Variants in OR2L13 observed in about 807,000 individuals in gnomAD.
OR2L13 encodes the protein olfactory receptor family 2 subfamily L member 13, also known as olfactory receptor 2L13.
In OR2L13, 14 loss-of-function variants were observed where a neutral mutation model predicts 15.3. The observed-to-expected ratio is 0.91, with a 90% confidence interval of 0.60 to 1.43. The LOEUF is 1.43. Among genes scored for constraint, OR2L13 ranks in the 40% most tolerant of loss-of-function variants. OR2L13 has a pLI of 0.00. For synonymous variants in OR2L13, 152 were observed against 142.9 expected, an observed-to-expected ratio of 1.06 and a Z score of -0.45; for missense variants, 367 against 387.9, an observed-to-expected ratio of 0.95 and a Z score of 0.45.
At chr1:248,015,974 G>C in the OR2L13 span, among the ~76,000 whole-genome samples, 40 of 152,230 alleles carry the variant, frequency 2.6e-4, no homozygotes, top group African/African-American at 9.6e-4. Context: ...CATCCTCCTT[G>C]GTTCCCAACT....
At chr1:248,093,245 G>A (rs939454893), upstream of OR2L13, among the ~76,000 whole-genome samples, 6 of 152,180 alleles carry the variant, frequency 3.9e-5, no homozygotes, top group African/African-American at 1.4e-4. Context: ...TTCAGAGAAA[G>A]TCTGCAGAGA....
chr1:248,003,494 T>C, the OR2L13 span: 2 of 1,611,540 alleles, frequency 1.2e-6, no homozygotes, highest in African/African-American at 2.7e-5. Context: ...CTATGTTCGT[T>C]GCATTGCTAT....
the OR2L13 span, among the ~76,000 whole-genome samples, chr1:248,085,486 T>C: frequency 1.5e-5 from 1 of 67,290 alleles, no homozygotes; most frequent in Admixed American, 1.6e-4. Context: ...AAAAAAAAAA[T>C]CACTACTGTC....
chr1:247,959,619 T>A, the OR2L13 span, among the ~76,000 whole-genome samples: 1 of 152,060 alleles, frequency 6.6e-6, no homozygotes, highest in Admixed American at 6.5e-5. Context: ...TAGTCCCATA[T>A]TTCTTGGAGG....
At chr1:248,009,787 A>T in the OR2L13 span, among the ~76,000 whole-genome samples, 1 of 152,190 alleles carries the variant, frequency 6.6e-6, no homozygotes, top group Non-Finnish European at 1.5e-5. Context: ...GGCAAACCAA[A>T]TCCAACAGCA....
chr1:247,959,203 G>C, the OR2L13 span, among the ~76,000 whole-genome samples: 68 of 151,878 alleles, frequency 4.5e-4, no homozygotes, highest in Non-Finnish European at 6.8e-4. Flanking sequence ...CACTTATGAA[G>C]CTTAGTTTGG....
the OR2L13 span, chr1:247,966,043 A>G: frequency 6.2e-7 from 1 of 1,614,026 alleles, no homozygotes; most frequent in Non-Finnish European, 8.5e-7. Flanking sequence ...TCGTGTGCTT[A>G]TTGTGGTATT....
At chr1:247,961,733 T>C in the OR2L13 span, among the ~76,000 whole-genome samples, 2,247 of 152,248 alleles carry the variant, frequency 0.015, 58 homozygotes, top group African/African-American at 0.051. Context: ...AATGACTGGG[T>C]AGAACTTTGG....
At chr1:248,085,006 C>G in the OR2L13 span, among the ~76,000 whole-genome samples, 1 of 152,168 alleles carries the variant, frequency 6.6e-6, no homozygotes, top group Non-Finnish European at 1.5e-5. Context: ...GTCATGCCAT[C>G]AGGGAAATAA....
At chr1:248,055,032 T>A in the OR2L13 span, among the ~76,000 whole-genome samples, 1 of 152,240 alleles carries the variant, frequency 6.6e-6, no homozygotes, top group African/African-American at 2.4e-5. Context: ...TCAAAGGGAA[T>A]GCTTCCAGTT....
chr1:248,083,068 A>G, the OR2L13 span, among the ~76,000 whole-genome samples: 1 of 152,228 alleles, frequency 6.6e-6, no homozygotes, highest in Non-Finnish European at 1.5e-5. Context: ...ACTGTGGAAT[A>G]AATACAAAAG....
the OR2L13 span, among the ~76,000 whole-genome samples, chr1:248,009,488 C>T: frequency 2.0e-5 from 3 of 152,060 alleles, no homozygotes; most frequent in African/African-American, 7.2e-5. Context: ...AGTCAAATCC[C>T]TGAACAAAAC....
chr1:248,085,962 C>T, the OR2L13 span, among the ~76,000 whole-genome samples: 2 of 152,172 alleles, frequency 1.3e-5, no homozygotes, highest in Admixed American at 1.3e-4. Flanking sequence ...CTGCTGCTTA[C>T]CTCCTGTGCA....
At chr1:248,058,738 AT>A in the OR2L13 span, among the ~76,000 whole-genome samples, 899 of 152,068 alleles carry the variant, frequency 5.9e-3, 17 homozygotes, top group African/African-American at 0.021. Flanking sequence ...TTCAGAGAAA[AT>A]TTTTAAAGAA....
At chr1:247,975,618 C>T in the OR2L13 span, 5 of 1,296,298 alleles carry the variant, frequency 3.9e-6, no homozygotes, top group South Asian at 4.8e-5. Flanking sequence ...TGATGGGGGC[C>T]CTGACACGAG....
At chr1:248,009,010 T>A in the OR2L13 span, among the ~76,000 whole-genome samples, 1 of 152,056 alleles carries the variant, frequency 6.6e-6, no homozygotes, top group Non-Finnish European at 1.5e-5. Context: ...ACACAATGTA[T>A]CAGAATCTCT....
At chr1:247,956,061 G>T in the OR2L13 span, among the ~76,000 whole-genome samples, 4 of 144,920 alleles carry the variant, frequency 2.8e-5, no homozygotes, top group Non-Finnish European at 6.1e-5. Flanking sequence ...TTCTTCTAGG[G>T]TTTTTATGGT....
chr1:248,052,796 T>C, the OR2L13 span, among the ~76,000 whole-genome samples: 3 of 152,082 alleles, frequency 2.0e-5, no homozygotes, highest in Non-Finnish European at 4.4e-5. Flanking sequence ...AAAGTCAAGA[T>C]TTTTTGACTA....
chr1:247,966,126 G>A, the OR2L13 span: 3 of 1,614,030 alleles, frequency 1.9e-6, no homozygotes, highest in Non-Finnish European at 2.5e-6. Context: ...TGGCAAGCCT[G>A]TTCTATGCAA....
Sources: allele counts gnomAD v4.1 joint callset (sites outside exome capture counted in the v4.1 genomes callset), GRCh38; gene constraint gnomAD v4.1.1; transcripts MANE v1.5; gene names NCBI Gene and HGNC (gene_info 2026-07-23, HGNC 2026-07-21).